Variants in PDCD6IP observed in about 807,000 individuals in gnomAD.
PDCD6IP encodes programmed cell death 6-interacting protein.
Under a neutral mutation model 103.7 loss-of-function variants are expected in PDCD6IP, and 43 were observed. The observed-to-expected ratio is 0.41, with a 90% CI of 0.32 to 0.53. The LOEUF (loss-of-function observed/expected upper bound fraction) is 0.53. PDCD6IP is among the 20% of genes least tolerant of loss of function. The pLI is 0.16. For synonymous variants in PDCD6IP, 354 were observed against 378.7 expected, an observed-to-expected ratio of 0.93 and a Z score of 0.76; for missense variants, 871 against 1,036.7, an observed-to-expected ratio of 0.84 and a Z score of 2.20.
intron 1 of PDCD6IP, among the ~76,000 whole-genome samples, chr3:33,806,928 G>C (rs973314163): frequency 6.6e-6 from 1 of 152,074 alleles, no homozygotes. Context: ...CATTTTGTTG[G>C]GGTTTTCTCC....
chr3:33,856,658 T>C (rs1697835651), intron 15 of PDCD6IP, among the ~76,000 whole-genome samples: 1 of 152,110 alleles, frequency 6.6e-6, no homozygotes, highest in South Asian at 2.1e-4. Flanking sequence ...TGACAAGAAC[T>C]GTCAGCATCA....
rs760005795 is a variant in PDCD6IP at position 33,828,833 on chromosome 3, G to C, written c.718-20G>C. ...GTTTGTGTGGTTGGACTCTCCCCTG[G>C]TCAGTATTTTTATTTCCAGGAGGTG... On this transcript the variant is annotated intron_variant, in intron 6 of 17. Transcript: ENST00000307296. 10 of 1,612,078 alleles carry C rather than the reference G, an allele frequency of 6.2e-6. No individual in the cohort carries two copies. The highest frequency in any genetic ancestry group is 8.5e-6 in the Non-Finnish European group (10 of 1,178,768).
chr3:33,815,847 A>G (rs1221778313), intron 3 of PDCD6IP, among the ~76,000 whole-genome samples: 2 of 152,236 alleles, frequency 1.3e-5, no homozygotes, highest in African/African-American at 4.8e-5. Context: ...CAGAAGAGAA[A>G]GATATACATT....
chr3:33,820,287 GAAA>G (rs71070156), intron 3 of PDCD6IP, among the ~76,000 whole-genome samples: 2 of 151,938 alleles, frequency 1.3e-5, no homozygotes, highest in Non-Finnish European at 2.9e-5. Context: ...TGTCTCAAAA[GAAA>G]AAAACAATTA....
At chr3:33,848,317 G>A (rs1422249461) in intron 12 of PDCD6IP, among the ~76,000 whole-genome samples, 1 of 152,118 alleles carries the variant, frequency 6.6e-6, no homozygotes, top group African/African-American at 2.4e-5. Flanking sequence ...GTTCGTTGCT[G>A]TAGACATAGT....
chr3:33,806,855 T>G (rs1187694164), intron 1 of PDCD6IP, among the ~76,000 whole-genome samples: 2 of 152,260 alleles, frequency 1.3e-5, no homozygotes, highest in Non-Finnish European at 2.9e-5. Flanking sequence ...GAACAGATTT[T>G]GCTCATGGTA....
intron 15 of PDCD6IP, among the ~76,000 whole-genome samples, chr3:33,855,716 A>G (rs1287529323): frequency 6.6e-6 from 1 of 152,238 alleles, no homozygotes; most frequent in Admixed American, 6.5e-5. Flanking sequence ...AGTAATCAAT[A>G]CAGAGTAGCA....
intron 7 of PDCD6IP, among the ~76,000 whole-genome samples, chr3:33,832,706 A>G (rs945886522): frequency 6.6e-6 from 1 of 152,016 alleles, no homozygotes; most frequent in Non-Finnish European, 1.5e-5. Flanking sequence ...TGTTTCATTG[A>G]CTTGTTTATC....
At chr3:33,806,642 T>A (rs1489163840) in intron 1 of PDCD6IP, among the ~76,000 whole-genome samples, 2 of 152,200 alleles carry the variant, frequency 1.3e-5, no homozygotes, top group Admixed American at 1.3e-4. Flanking sequence ...TAGGTCTACT[T>A]TGTTAGAGAT....
At chr3:33,803,513 A>G (rs1212126357) in intron 1 of PDCD6IP, among the ~76,000 whole-genome samples, 1 of 151,894 alleles carries the variant, frequency 6.6e-6, no homozygotes, top group Non-Finnish European at 1.5e-5. Flanking sequence ...GAGTTGTAGC[A>G]TTTTCTGGAT....
intron 2 of PDCD6IP, 96 bp from the exon 3 acceptor site, chr3:33,813,463 C>T (rs1696762427): frequency 1.3e-6 from 1 of 762,192 alleles, no homozygotes; most frequent in South Asian, 1.8e-5. Context: ...AGCTTTTGTC[C>T]TTTTTTTCAT....
intron 9 of PDCD6IP, among the ~76,000 whole-genome samples, chr3:33,841,499 C>T (rs191943679): frequency 0.049 from 5,921 of 121,426 alleles, 173 homozygotes; most frequent in Middle Eastern, 0.12. Flanking sequence ...AGTGCGGTGG[C>T]GCGATCTCGG....
chr3:33,826,553 G>T lies in PDCD6IP; in HGVS notation c.690G>T (p.Gln230His), dbSNP rs961043235. 6.2e-7 allele frequency: 1 copy of T among 1,611,790 alleles called. No individual in the cohort carries two copies. Among genetic ancestry groups the T allele is most frequent in the Non-Finnish European group, 8.5e-7 (1 of 1,178,400 alleles). The change falls in exon 6 of 18, where the codon CAG becomes CAT. Residue 230 changes from glutamine to histidine, a missense_variant. Around this residue, in one of 5 missense-constraint regions of PDCD6IP, gnomAD observed 242 missense variants for 250.7 expected, o/e 0.97. Coordinates refer to ENST00000307296, the MANE Select transcript of PDCD6IP (RefSeq NM_013374.6). ...AADYFGDAFK[Q>H]CQYKDTLPKE... is the part of the protein sequence containing the mutation. ...ATTATTTTGGTGATGCTTTCAAACA[G>T]TGTCAATACAAAGATACTCTCCCCA...
At chr3:33,862,261 T>C (rs891718967) in intron 15 of PDCD6IP, among the ~76,000 whole-genome samples, 1 of 151,692 alleles carries the variant, frequency 6.6e-6, no homozygotes, top group Non-Finnish European at 1.5e-5. Context: ...TTTTGATGAA[T>C]GTATACTAGT....
At chr3:33,826,771 G>T in intron 6 of PDCD6IP, 191 bp downstream of exon 6, 1 of 1,340,118 alleles carries the variant, frequency 7.5e-7, no homozygotes, top group Non-Finnish European at 9.6e-7. Context: ...ATGTTTAGGG[G>T]ATGCCTTTGT....
chr3:33,818,129 A>C (rs1164803996), intron 3 of PDCD6IP, among the ~76,000 whole-genome samples: 1 of 127,960 alleles, frequency 7.8e-6, no homozygotes, highest in Non-Finnish European at 1.6e-5. Flanking sequence ...TTTGGAGAAC[A>C]GTCTTGCTCT....
At position 33,868,280 on chromosome 3, in the gene PDCD6IP, A is replaced by G. The variant is rs1034891389; in HGVS notation, c.*1755A>G. 2 of 152,216 alleles carry G rather than the reference A, an allele frequency of 1.3e-5. No homozygotes were observed. The highest frequency in any genetic ancestry group is 4.8e-5 in the African/African-American group (2 of 41,458). The allele number at this position is 152,216 out of a possible 1,614,324, so 9.4% of individuals were successfully genotyped here. Reference sequence around the variant, plus strand: ...AGGTATTACAAGTTGCTAGTTTATAATGTCTTACTAATGCAGAAACAAGGA... The same window carrying G: ...AGGTATTACAAGTTGCTAGTTTATAGTGTCTTACTAATGCAGAAACAAGGA... On this transcript the variant is annotated 3_prime_UTR_variant, in exon 18 of 18. Transcript: ENST00000307296.
chr3:33,798,672 G>A lies in PDCD6IP; in HGVS notation c.-57G>A, dbSNP rs1696388363. ...GCCAGCCCAGTACCTCTCTCTCCTCGGCCCTCGTAAGCTGTCCGCGGTCTG... is the reference window on the plus strand; with the variant it reads ...GCCAGCCCAGTACCTCTCTCTCCTCAGCCCTCGTAAGCTGTCCGCGGTCTG... On this transcript the variant is annotated 5_prime_UTR_variant, in exon 1 of 18. Transcript: ENST00000307296. 3 of 1,430,144 alleles carry A rather than the reference G, an allele frequency of 2.1e-6. No homozygotes were observed. The highest frequency in any genetic ancestry group is 1.4e-5 in the African/African-American group (1 of 69,868). The allele number at this position is 1,430,144 out of a possible 1,614,324, so 88.6% of individuals were successfully genotyped here. A position where few individuals can be genotyped will look rare whatever the true frequency, so the allele number is the denominator to read the frequency against.
chr3:33,835,912 A>G, intron 7 of PDCD6IP, 132 bp from the exon 8 acceptor site: 1 of 609,036 alleles, frequency 1.6e-6, no homozygotes. Context: ...CCTGTCAGCC[A>G]CATTGCTGGA....
Sources: allele counts gnomAD v4.1 joint callset (sites outside exome capture counted in the v4.1 genomes callset), GRCh38; gene constraint gnomAD v4.1.1; regional missense constraint gnomAD v4.1.1; transcripts MANE v1.5; gene names NCBI Gene and HGNC (gene_info 2026-07-23, HGNC 2026-07-21).